Variants in DOCK8 observed in about 807,000 individuals in gnomAD.
The protein encoded by DOCK8 is dedicator of cytokinesis protein 8.
Under a neutral mutation model 245.6 loss-of-function variants are expected in DOCK8, and 141 were observed. That is an observed-to-expected ratio of 0.57 (90% CI 0.50 to 0.66). DOCK8 has a LOEUF of 0.66. Ranked by LOEUF, DOCK8 falls within the 30% of genes least tolerant of loss-of-function variation. The probability of loss-of-function intolerance (pLI) is 0.00; values close to 1 mark genes in which losing one functional copy is unlikely to be tolerated. For missense variants in DOCK8, 2,965 were observed against 2,603.4 expected (o/e 1.14, Z -3.02); for synonymous variants, 1,168 against 970.2 (o/e 1.20, Z -3.79).
intron 2 of DOCK8, among the ~76,000 whole-genome samples, chr9:283,099 C>T (rs533141176): frequency 6.6e-5 from 10 of 152,212 alleles, no homozygotes; most frequent in Admixed American, 5.9e-4. Flanking sequence ...TCTTGAAAGG[C>T]CTGCAAAAGG....
chr9:304,520 C>G (rs781606850), intron 4 of DOCK8, 61 bp from the exon 5 acceptor site: 21 of 1,606,956 alleles, frequency 1.3e-5, no homozygotes, highest in Non-Finnish European at 1.7e-5. Context: ...TATTTTTAAT[C>G]TAATGGTTTG....
chr9:400,955 ACCACCACCACCT>A lies in DOCK8; in HGVS notation c.3234+1699_3234+1710del, dbSNP rs1335310574. Reference sequence around the variant, plus strand: ...AACATCCACCACCACCATCACCACCACCACCACCACCTCCTCCACCATCACCACCTCCTCCAC... The same window carrying A: ...AACATCCACCACCACCATCACCACCACCTCCACCATCACCACCTCCTCCAC... On this transcript the variant is annotated intron_variant, in intron 26 of 47. Transcript: ENST00000432829. 8.4e-4 allele frequency among the ~76,000 whole-genome samples: 101 copies of A among 119,626 alleles called. 7 individuals are homozygous for A. The highest frequency in any genetic ancestry group is 9.0e-3 in the Middle Eastern group (2 of 222). The allele number at this position is 119,626 out of a possible 152,430, so 78.5% of individuals were successfully genotyped here. A position where few individuals can be genotyped will look rare whatever the true frequency, so the allele number is the denominator to read the frequency against.
intron 6 of DOCK8, among the ~76,000 whole-genome samples, chr9:315,424 G>C (rs2050302257): frequency 6.6e-6 from 1 of 152,118 alleles, no homozygotes; most frequent in African/African-American, 2.4e-5. Flanking sequence ...TGTCATATGT[G>C]GACCTTGTTT....
intron 1 of DOCK8, among the ~76,000 whole-genome samples, chr9:241,347 T>C (rs1323945651): frequency 6.6e-6 from 1 of 152,188 alleles, no homozygotes; most frequent in African/African-American, 2.4e-5. Context: ...AGCTGTAATT[T>C]CGTATCCCTT....
rs753461261 is a variant in DOCK8 at position 429,689 on chromosome 9, A to T, written c.4474-13A>T. 6.2e-7 allele frequency: 1 copy of T among 1,614,188 alleles called. No homozygotes were observed. The highest frequency in any genetic ancestry group is 8.5e-7 in the Non-Finnish European group (1 of 1,180,032). ...GCCAAGTGATGCCTAATGGCCCTTT[A>T]TGTCTCTCCTAGTTTGGAGACTTAC... On this transcript the variant is annotated splice_polypyrimidine_tract_variant and intron_variant, in intron 35 of 47. Coordinates refer to ENST00000432829, the MANE Select transcript of DOCK8 (RefSeq NM_203447.4).
At chr9:252,797 C>CA (rs113508710) in intron 1 of DOCK8, among the ~76,000 whole-genome samples, 12,196 of 142,658 alleles carry the variant, frequency 0.085, 616 homozygotes, top group African/African-American at 0.15. Context: ...GACTCCATCT[C>CA]AAAAAAAAAA....
chr9:216,537 CAAAAAAA>C lies in DOCK8; in HGVS notation c.53+1520_53+1526del, dbSNP rs59529982. 5.6e-5 allele frequency among the ~76,000 whole-genome samples: 5 copies of C among 88,922 alleles called. 1 individual carries two copies. Among genetic ancestry groups the C allele is most frequent in the East Asian group, 3.9e-4 (1 of 2,580 alleles). The allele number at this position is 88,922 out of a possible 152,430, so 58.3% of individuals were successfully genotyped here. On this transcript the variant is annotated intron_variant, in intron 1 of 47. Coordinates refer to ENST00000432829, the MANE Select transcript of DOCK8 (RefSeq NM_203447.4). ...GTGAAACCTTGTCTCAAAAAACAGA[CAAAAAAA>C]AAAAAAAAAAAGCAAAAACAAGGCA...
At chr9:404,873 A>C in intron 26 of DOCK8, 45 bp from the exon 27 acceptor site, 1 of 1,610,856 alleles carries the variant, frequency 6.2e-7, no homozygotes, top group Non-Finnish European at 8.5e-7. Flanking sequence ...AACTCCACTT[A>C]CCTTGTAATA....
intron 39 of DOCK8, among the ~76,000 whole-genome samples, chr9:437,037 G>C (rs1036511955): frequency 6.6e-6 from 1 of 152,192 alleles, no homozygotes; most frequent in African/African-American, 2.4e-5. Context: ...CTACAGAAGA[G>C]AAGCCAAATT....
At chr9:282,187 A>C (rs1325344478) in intron 2 of DOCK8, among the ~76,000 whole-genome samples, 1 of 152,148 alleles carries the variant, frequency 6.6e-6, no homozygotes, top group Non-Finnish European at 1.5e-5. Flanking sequence ...CAATTCCGTG[A>C]GAACAACTGC....
chr9:342,841 G>A (rs57946829), intron 14 of DOCK8, among the ~76,000 whole-genome samples: 21 of 152,000 alleles, frequency 1.4e-4, no homozygotes, highest in East Asian at 7.7e-4. Context: ...TTGTTGATAC[G>A]CATTTAAGTC....
At chr9:252,224 C>T (rs904187939) in intron 1 of DOCK8, among the ~76,000 whole-genome samples, 3 of 151,830 alleles carry the variant, frequency 2.0e-5, no homozygotes, top group Non-Finnish European at 4.4e-5. Context: ...TCACTGGCCT[C>T]GGCCTCCCAA....
chr9:349,405 A>T (rs2052054034), intron 14 of DOCK8, among the ~76,000 whole-genome samples: 1 of 152,246 alleles, frequency 6.6e-6, no homozygotes, highest in Admixed American at 6.5e-5. Flanking sequence ...ATGGAAATAT[A>T]AATATCATGG....
chr9:231,974 C>A (rs1004703287), intron 1 of DOCK8, among the ~76,000 whole-genome samples: 5 of 152,040 alleles, frequency 3.3e-5, no homozygotes, highest in Admixed American at 6.6e-5. Flanking sequence ...GTCTTGTGCC[C>A]GTTTTCAAAG....
intron 28 of DOCK8, among the ~76,000 whole-genome samples, chr9:412,404 CAAAAA>C (rs59340573): frequency 3.0e-5 from 3 of 100,790 alleles, no homozygotes; most frequent in Non-Finnish European, 6.5e-5. Flanking sequence ...GACCCTGTCT[CAAAAA>C]AAAAAAAAAA....
intron 2 of DOCK8, among the ~76,000 whole-genome samples, chr9:281,482 C>T (rs908519555): frequency 2.6e-5 from 4 of 152,098 alleles, no homozygotes; most frequent in African/African-American, 9.7e-5. Flanking sequence ...TCCAGGGACC[C>T]AAGTCTTGCC....
At chr9:360,996 CA>C (rs372664257) in intron 14 of DOCK8, among the ~76,000 whole-genome samples, 13 of 152,082 alleles carry the variant, frequency 8.5e-5, no homozygotes, top group African/African-American at 3.1e-4. Context: ...TTCACCTCTA[CA>C]AAAAGTAAAA....
At chr9:346,817 G>A (rs995173479) in intron 14 of DOCK8, among the ~76,000 whole-genome samples, 3 of 149,456 alleles carry the variant, frequency 2.0e-5, no homozygotes, top group Non-Finnish European at 4.4e-5. Flanking sequence ...GGACCTGACC[G>A]GAAGGAATGT....
rs1564016954 is a variant in DOCK8 at position 400,971 on chromosome 9, C to CTT, written c.3234+1712_3234+1713insTT. ...ATCACCACCACCACCACCACCTCCT[C>CTT]CACCATCACCACCTCCTCCACCACC... On this transcript the variant is annotated intron_variant, in intron 26 of 47. Transcript: ENST00000432829. Among the ~76,000 whole-genome samples the CTT allele has an allele frequency of 3.2e-4, 46 of 141,622 alleles. 4 individuals carry two copies. Among genetic ancestry groups the CTT allele is most frequent in the Non-Finnish European group, 5.8e-4 (37 of 64,246 alleles). The allele number at this position is 141,622 out of a possible 152,430, so 92.9% of individuals were successfully genotyped here. A position where few individuals can be genotyped will look rare whatever the true frequency, so the allele number is the denominator to read the frequency against.
Sources: allele counts gnomAD v4.1 joint callset (sites outside exome capture counted in the v4.1 genomes callset), GRCh38; gene constraint gnomAD v4.1.1; transcripts MANE v1.5; gene names NCBI Gene and HGNC (gene_info 2026-07-23, HGNC 2026-07-21).